STAMBP: variants seen among roughly 807,000 people sequenced by gnomAD.
STAMBP encodes STAM-binding protein.
A neutral mutation model predicts 50.7 loss-of-function variants in STAMBP; 31 were observed. The ratio of observed to expected loss-of-function variants is 0.61; its 90% CI spans 0.46 to 0.83. The LOEUF is 0.83. Ranked by LOEUF, STAMBP falls within the 40% of genes least tolerant of loss-of-function variation. The pLI, the probability that STAMBP is intolerant of heterozygous loss-of-function variation, is 0.00. For synonymous variants in STAMBP, 211 were observed against 192.4 expected, an observed-to-expected ratio of 1.10 and a Z score of -0.80; for missense variants, 472 against 518.9, an observed-to-expected ratio of 0.91 and a Z score of 0.88.
Position 73,847,670 on chromosome 2 carries a change from A to G in STAMBP, c.659A>G (p.Asp220Gly). The stretch of plus-strand genomic sequence containing the variant: ...ACAGTCTCATCCATACAGCCTTCAG[A>G]CTGTCACACAACTGTAAGGCCAGCT... Reference protein sequence around the residue: ...TLTVSSIQPSDCHTTVRPAKP... With the variant: ...TLTVSSIQPSGCHTTVRPAKP... Residue 220 changes from aspartate to glycine, a missense_variant, in exon 5 of 10, where the codon GAC becomes GGC. Physicochemically the swap from Asp to Gly is moderately conservative, Grantham distance 94 (BLOSUM62 -1). Coordinates refer to ENST00000394070, the MANE Select transcript of STAMBP (RefSeq NM_213622.4). 6.2e-7 allele frequency: 1 copy of G among 1,614,206 alleles called. No individual in the cohort carries two copies. Among genetic ancestry groups the G allele is most frequent in the Middle Eastern group, 1.6e-4 (1 of 6,062 alleles).
rs564648398 is a variant in STAMBP, at chr2:73,846,569, G to C, written c.376-818G>C. The stretch of plus-strand genomic sequence containing the variant: ...TGCGCCCAGGGAGATTGAGGCTGCA[G>C]TGAGCCATGATTGACCACTACAGTC... On this transcript the variant is annotated intron_variant, in intron 4 of 9. Transcript: ENST00000394070. 1.8e-4 allele frequency among the ~76,000 whole-genome samples: 27 copies of C among 151,812 alleles called. No homozygotes were observed. In the South Asian group the frequency reaches 5.4e-3, roughly 30 times the overall value.
rs72917403 is a variant in STAMBP, at chr2:73,861,451, C to G, written c.1219-752C>G. Reference sequence around the variant, plus strand: ...CCACAACTACCACTTAAATAGCAGTCTGGCTTCCAGACTGAGAACCACTAG... The same window carrying G: ...CCACAACTACCACTTAAATAGCAGTGTGGCTTCCAGACTGAGAACCACTAG... On this transcript the variant is annotated intron_variant, in intron 9 of 9. Transcript: ENST00000394070. Among the ~76,000 whole-genome samples, 297 of 152,212 alleles carry G rather than the reference C, an allele frequency of 2.0e-3. 2 individuals carry two copies. Among genetic ancestry groups the G allele is most frequent in the African/African-American group, 6.9e-3 (285 of 41,538 alleles).
At chr2:73,855,644 A>C (rs1174996686) in intron 7 of STAMBP, 1 of 456,104 alleles carries the variant, frequency 2.2e-6, no homozygotes, top group Non-Finnish European at 4.4e-6. Context: ...TGGTCACTGA[A>C]GTCCTTACAT....
chr2:73,842,747 A>G (rs1675556878), intron 2 of STAMBP, among the ~76,000 whole-genome samples: 1 of 152,172 alleles, frequency 6.6e-6, no homozygotes, highest in Non-Finnish European at 1.5e-5. Flanking sequence ...CTTACTGTGT[A>G]TATGTACATA....
exon 11 of STAMBP, chr2:73,873,550 T>G (rs985301782): frequency 6.6e-6 from 1 of 152,268 alleles, no homozygotes; most frequent in African/African-American, 2.4e-5. Flanking sequence ...CAGAGGTTTT[T>G]GATCTGTAGC....
chr2:73,866,681 A>T lies in STAMBP; in HGVS notation c.*4422A>T, dbSNP rs1175734181. ...TTGAGCTTTCTTTCCAGCCGCCAGG[A>T]GGGATGGTTGTCCTGGCCAACAGCG... On this transcript the variant is annotated 3_prime_UTR_variant, in exon 10 of 10. Transcript: ENST00000394070. 6.6e-6 allele frequency: 1 copy of T among 152,206 alleles called. No homozygotes were observed. Among genetic ancestry groups the T allele is most frequent in the Non-Finnish European group, 1.5e-5 (1 of 68,084 alleles). The allele number at this position is 152,206 out of a possible 1,614,324, so 9.4% of individuals were successfully genotyped here.
At chr2:73,868,019 G>A (rs1679029367), downstream of STAMBP, among the ~76,000 whole-genome samples, 1 of 151,862 alleles carries the variant, frequency 6.6e-6, no homozygotes, top group South Asian at 2.1e-4. Context: ...AGCTACTTGG[G>A]AGGCTGAGGC....
chr2:73,867,520 G>C (rs889708271), downstream of STAMBP, among the ~76,000 whole-genome samples: 6 of 151,974 alleles, frequency 3.9e-5, no homozygotes, highest in Admixed American at 6.5e-5. Flanking sequence ...CTCCAGCCTG[G>C]GCAACGAGCG....
intron 7 of STAMBP, among the ~76,000 whole-genome samples, chr2:73,856,644 A>G (rs1303756062): frequency 2.0e-5 from 3 of 152,342 alleles, no homozygotes; most frequent in South Asian, 4.1e-4. Flanking sequence ...GCCCATCATG[A>G]CAACCCCATT....
At chr2:73,846,750 C>G (rs879825775) in intron 4 of STAMBP, among the ~76,000 whole-genome samples, 1 of 152,088 alleles carries the variant, frequency 6.6e-6, no homozygotes, top group Non-Finnish European at 1.5e-5. Flanking sequence ...ATAAAACTGT[C>G]TGTGATACAG....
chr2:73,868,497 A>G (rs1679058485), downstream of STAMBP, among the ~76,000 whole-genome samples: 1 of 152,202 alleles, frequency 6.6e-6, no homozygotes, highest in South Asian at 2.1e-4. Flanking sequence ...GAGTAGGTCA[A>G]AGGAAACAAG....
downstream of STAMBP, among the ~76,000 whole-genome samples, chr2:73,870,715 C>T (rs2104768076): frequency 6.6e-6 from 1 of 152,272 alleles, no homozygotes; most frequent in African/African-American, 2.4e-5. Context: ...CCCCAGCAGC[C>T]TCCTCTCTTC....
chr2:73,865,231 A>C lies in STAMBP; in HGVS notation c.*2972A>C, dbSNP rs1292451082. 1 of 152,260 alleles carries C rather than the reference A, an allele frequency of 6.6e-6. No individual in the cohort carries two copies. Among genetic ancestry groups the C allele is most frequent in the Non-Finnish European group, 1.5e-5 (1 of 68,048 alleles). 9.4% of individuals were successfully genotyped at this position (152,260 alleles called of 1,614,324 possible). On this transcript the variant is annotated 3_prime_UTR_variant, in exon 10 of 10. Transcript: ENST00000394070. The stretch of plus-strand genomic sequence containing the variant: ...TAGGAGCAAAGCTTTAATGAGTGAA[A>C]GTCTGGTGAATCCTGCAATTTTGAT...
chr2:73,851,433 G>T (rs543536794), intron 7 of STAMBP, among the ~76,000 whole-genome samples: 1 of 152,182 alleles, frequency 6.6e-6, no homozygotes, highest in Non-Finnish European at 1.5e-5. Context: ...CGTGCTAAAG[G>T]CCACAAGAGG....
At position 73,850,258 on chromosome 2, in the gene STAMBP, T is replaced by C; in HGVS notation, c.868-118T>C. ...GTGAACCACTGAGTGGCAGGACTCC[T>C]GCTGTGTGGGAAGGGCTTTCACTTG... On this transcript the variant is annotated intron_variant, in intron 6 of 9. Transcript: ENST00000394070. This position sits in a 1 kb window ranked among gnomAD's most constrained non-coding sequence, Gnocchi z 4.3. 7.4e-7 allele frequency: 1 copy of C among 1,342,532 alleles called. No individual in the cohort carries two copies. The allele number at this position is 1,342,532 out of a possible 1,614,324, so 83.2% of individuals were successfully genotyped here.
At chr2:73,860,526 T>C (rs2104693801) in intron 9 of STAMBP, 2 of 990,496 alleles carry the variant, frequency 2.0e-6, no homozygotes, top group Non-Finnish European at 2.4e-6. Flanking sequence ...TCAATGTCTC[T>C]TTCTAAGCCT....
At chr2:73,830,618 A>G (rs1288411700) in intron 1 of STAMBP, among the ~76,000 whole-genome samples, 1 of 152,254 alleles carries the variant, frequency 6.6e-6, no homozygotes, top group East Asian at 1.9e-4. Flanking sequence ...TAATTATGGT[A>G]CAGGGGTTGT....
chr2:73,849,115 A>C (rs1321851433), intron 5 of STAMBP, among the ~76,000 whole-genome samples: 1 of 152,196 alleles, frequency 6.6e-6, no homozygotes, highest in African/African-American at 2.4e-5. Flanking sequence ...CCTTTTCTTA[A>C]CTTGAATAAT....
In STAMBP at chr2:73,847,864, A is replaced by G. The variant is rs538715736; in HGVS notation, c.742+111A>G. ...TGATCCCACTCATTAAGCTTTGGTC[A>G]CAGAAACCCATCTGATAAGTATTGC... On this transcript the variant is annotated intron_variant, in intron 5 of 9. Coordinates refer to ENST00000394070, the MANE Select transcript of STAMBP (RefSeq NM_213622.4). 78 of 1,360,182 alleles carry G rather than the reference A, an allele frequency of 5.7e-5. No homozygotes were observed. The African/African-American group carries it at 1.0e-3, about 18-fold the overall frequency. The allele number at this position is 1,360,182 out of a possible 1,614,324, so 84.3% of individuals were successfully genotyped here.
Sources: gnomAD v4.1 joint callset for allele counts (sites outside exome capture counted in the v4.1 genomes callset) on GRCh38, gnomAD v4.1.1 for gene constraint, Gnocchi (gnomAD v3.1) non-coding constraint, MANE v1.5 for transcripts, NCBI Gene and HGNC (gene_info 2026-07-23, HGNC 2026-07-21) for gene names.